Variants in SYTL2 observed in about 807,000 individuals in gnomAD.
The protein encoded by SYTL2 is synaptotagmin like 2, also known as synaptotagmin-like protein 2.
SYTL2 carries 165 observed loss-of-function variants against 198.7 expected under a neutral mutation model. The ratio of observed to expected loss-of-function variants is 0.83; its 90% CI spans 0.73 to 0.94. SYTL2 has a LOEUF of 0.94. Among genes scored for constraint, SYTL2 ranks in the 40% least tolerant of loss-of-function variants. The pLI, the probability that SYTL2 is intolerant of heterozygous loss-of-function variation, is 0.00. For missense variants in SYTL2, 2,835 were observed against 2,582.8 expected (o/e 1.10, Z -2.12); for synonymous variants, 966 against 917.7 (o/e 1.05, Z -0.95).
At chr11:85,807,853 T>C (rs1361512518) in intron 1 of SYTL2, among the ~76,000 whole-genome samples, 1 of 152,180 alleles carries the variant, frequency 6.6e-6, no homozygotes, top group African/African-American at 2.4e-5. Flanking sequence ...AAGATTAACC[T>C]TCATGATGCT....
the SYTL2 span, among the ~76,000 whole-genome samples, chr11:85,843,622 C>T: frequency 6.6e-6 from 1 of 152,206 alleles, no homozygotes; most frequent in South Asian, 2.1e-4. Context: ...AATTTAGACA[C>T]TAACTAGGTG....
intron 1 of SYTL2, among the ~76,000 whole-genome samples, chr11:85,809,193 C>A (rs1470783874): frequency 6.6e-6 from 1 of 152,152 alleles, no homozygotes; most frequent in African/African-American, 2.4e-5. Flanking sequence ...TCTTAGGGGA[C>A]AGTGGAATCA....
At chr11:85,836,532 A>G in the SYTL2 span, among the ~76,000 whole-genome samples, 2 of 152,016 alleles carry the variant, frequency 1.3e-5, no homozygotes, top group Admixed American at 6.6e-5. Flanking sequence ...AATCAACCCT[A>G]AATGCCCCCT....
At chr11:85,812,718 A>C (rs75745553), upstream of SYTL2, among the ~76,000 whole-genome samples, 336 of 152,324 alleles carry the variant, frequency 2.2e-3, 1 homozygote, top group African/African-American at 7.8e-3. Flanking sequence ...GTCATATGTC[A>C]CGGCTATTGC....
chr11:85,747,401 C>T (rs529061147), intron 3 of SYTL2, among the ~76,000 whole-genome samples: 88 of 152,246 alleles, frequency 5.8e-4, no homozygotes, highest in Middle Eastern at 3.4e-3. Flanking sequence ...GGGTGGGATG[C>T]TGGCTGCCTT....
intron 3 of SYTL2, among the ~76,000 whole-genome samples, chr11:85,747,822 G>T (rs955664530): frequency 6.6e-5 from 10 of 152,082 alleles, no homozygotes; most frequent in Admixed American, 2.6e-4. Flanking sequence ...AAACAAGAAG[G>T]TTTTTCCATT....
At chr11:85,852,258 A>C in the SYTL2 span, among the ~76,000 whole-genome samples, 1 of 152,212 alleles carries the variant, frequency 6.6e-6, no homozygotes, top group Admixed American at 6.5e-5. Context: ...AAGGGGCCTC[A>C]TTTCTGTCTT....
chr11:85,711,137 G>A lies in SYTL2; in HGVS notation c.5721C>T (p.Ser1907=). The A allele has an allele frequency of 6.2e-7, 1 of 1,614,110 alleles. No homozygotes were observed. The highest frequency in any genetic ancestry group is 1.7e-5 in the Admixed American group (1 of 60,020). Residue 1907 remains serine, a synonymous_variant, in exon 13 of 20, where the codon TCC becomes TCT. Transcript: ENST00000359152. The part of the protein sequence containing the change: ...SPSSLTNLSS[S]SGMTSLSSVS... Reference sequence around the variant, plus strand: ...CAGAAGACAAGGACGTCATGCCAGAGGAGCTGCTAAGATTGGTTAAAGAGC... The same window carrying A: ...CAGAAGACAAGGACGTCATGCCAGAAGAGCTGCTAAGATTGGTTAAAGAGC...
intron 13 of SYTL2, among the ~76,000 whole-genome samples, chr11:85,710,322 T>C (rs2153421989): frequency 6.6e-6 from 1 of 152,190 alleles, no homozygotes; most frequent in Middle Eastern, 3.4e-3. Context: ...ATGAAGGGAG[T>C]TTAAAACCTT....
chr11:85,759,642 C>T (rs960055602), intron 1 of SYTL2, among the ~76,000 whole-genome samples: 1 of 152,154 alleles, frequency 6.6e-6, no homozygotes, highest in African/African-American at 2.4e-5. Flanking sequence ...TATTATGTCT[C>T]TTTCTGATCT....
At chr11:85,706,827 TG>T (rs2085239076) in intron 15 of SYTL2, among the ~76,000 whole-genome samples, 1 of 150,740 alleles carries the variant, frequency 6.6e-6, no homozygotes, top group African/African-American at 2.5e-5. Context: ...GGGTTTTTTT[TG>T]TTTTTTGTTT....
chr11:85,750,965 C>T (rs1454241937), intron 2 of SYTL2, among the ~76,000 whole-genome samples: 1 of 152,162 alleles, frequency 6.6e-6, no homozygotes, highest in East Asian at 1.9e-4. Context: ...AACTAAAATG[C>T]ACTTTGTGGG....
rs569074037 is a variant in SYTL2 at position 85,729,768 on chromosome 11, C to CA, written c.1391-1802dup. On this transcript the variant is annotated intron_variant, in intron 7 of 19. Transcript: ENST00000359152. Reference sequence around the variant, plus strand: ...AGCAGAACTGAAGGAGATAGTGACACAAAAAACCCTTCAAAAAATCAATGA... The same window carrying CA: ...AGCAGAACTGAAGGAGATAGTGACACAAAAAAACCCTTCAAAAAATCAATGA... Among the ~76,000 whole-genome samples, 322 of 152,158 alleles carry CA rather than the reference C, an allele frequency of 2.1e-3. 1 individual carries two copies. The highest frequency in any genetic ancestry group is 4.4e-3 in the South Asian group (21 of 4,824).
upstream of SYTL2, among the ~76,000 whole-genome samples, chr11:85,813,612 C>A (rs1018987119): frequency 4.6e-5 from 7 of 152,188 alleles, no homozygotes; most frequent in African/African-American, 1.7e-4. Flanking sequence ...TATCTCCTGG[C>A]TCTACCACAG....
upstream of SYTL2, among the ~76,000 whole-genome samples, chr11:85,811,752 G>A (rs2153667677): frequency 1.3e-5 from 2 of 152,310 alleles, no homozygotes; most frequent in East Asian, 3.9e-4. Context: ...ACAGAGGACT[G>A]GTAAGCTCCT....
chr11:85,696,267 C>G lies in SYTL2; in HGVS notation c.6490G>C (p.Glu2164Gln). 2.5e-6 allele frequency: 4 copies of G among 1,614,134 alleles called. No individual in the cohort carries two copies. The highest frequency in any genetic ancestry group is 3.4e-6 in the Non-Finnish European group (4 of 1,180,000). ...YDGFRPEDLMEACVELTVWDH... is the reference protein window; with the variant it reads ...YDGFRPEDLMQACVELTVWDH... ...CAGACAGTAAGCTCTACACAGGCTT[C>G]CATCAGATCTTCAGGCCTGAACCCA... The change falls in exon 19 of 20, where the codon GAA (glutamate) becomes CAA (glutamine). Residue 2164 changes from glutamate (E) to glutamine (Q), a missense_variant. Glu to Gln is a conservative substitution (Grantham distance 29). Coordinates refer to ENST00000359152, the MANE Select transcript of SYTL2 (RefSeq NM_206927.4).
chr11:85,751,522 C>T (rs908055295), intron 2 of SYTL2, among the ~76,000 whole-genome samples: 25 of 152,162 alleles, frequency 1.6e-4, no homozygotes, highest in African/African-American at 5.6e-4. Flanking sequence ...CACACACACA[C>T]GTTATGTTTA....
chr11:85,777,038 A>G (rs1020252799), intron 1 of SYTL2, among the ~76,000 whole-genome samples: 5 of 152,224 alleles, frequency 3.3e-5, no homozygotes, highest in Admixed American at 1.3e-4. Flanking sequence ...ACTGAATTCA[A>G]TGCAGAAGAC....
At chr11:85,795,058 G>C (rs1464402251) in intron 1 of SYTL2, among the ~76,000 whole-genome samples, 1 of 151,986 alleles carries the variant, frequency 6.6e-6, no homozygotes, top group East Asian at 1.9e-4. Flanking sequence ...CTTCCTCACT[G>C]GTAAAATATC....
Sources: gnomAD v4.1 joint callset for allele counts (sites outside exome capture counted in the v4.1 genomes callset) on GRCh38, gnomAD v4.1.1 for gene constraint, MANE v1.5 for transcripts, NCBI Gene and HGNC (gene_info 2026-07-23, HGNC 2026-07-21) for gene names.